Variants in CAMKK1 observed in about 807,000 individuals in gnomAD.
CAMKK1 encodes calcium/calmodulin dependent protein kinase kinase 1, also known as calcium/calmodulin-dependent protein kinase kinase 1.
In CAMKK1, 20 loss-of-function variants were observed where a neutral mutation model predicts 63.5. That is an observed-to-expected ratio of 0.32 (90% CI 0.22 to 0.46). The LOEUF (loss-of-function observed/expected upper bound fraction) is 0.46, where lower values mean the gene tolerates loss of function less well. CAMKK1 is among the 20% of genes least tolerant of loss of function. The pLI is 1.00. For synonymous variants in CAMKK1, 253 were observed against 269.0 expected (o/e 0.94, Z 0.58); for missense variants, 588 against 658.1 (o/e 0.89, Z 1.17).
At chr17:3,870,471 T>A (rs1028192089) in intron 12 of CAMKK1, among the ~76,000 whole-genome samples, 6 of 151,900 alleles carry the variant, frequency 3.9e-5, no homozygotes, top group Non-Finnish European at 8.8e-5. Flanking sequence ...GTTCATGCCA[T>A]TCTCCTGCCT....
intron 15 of CAMKK1, among the ~76,000 whole-genome samples, chr17:3,864,538 A>G (rs760193225): frequency 3.5e-4 from 53 of 151,822 alleles, no homozygotes; most frequent in Non-Finnish European, 2.2e-4. Flanking sequence ...GAGCCACCGC[A>G]CCCGGCCGTG....
chr17:3,874,286 G>A (rs1253277145), intron 10 of CAMKK1, among the ~76,000 whole-genome samples: 1 of 152,212 alleles, frequency 6.6e-6, no homozygotes, highest in African/African-American at 2.4e-5. Context: ...AGTGGTCCTC[G>A]ATTGGATTCC....
chr17:3,877,863 G>T (rs1409225687), intron 9 of CAMKK1, among the ~76,000 whole-genome samples: 2 of 152,172 alleles, frequency 1.3e-5, no homozygotes, highest in South Asian at 2.1e-4. Context: ...CATCTTGGTA[G>T]ATAACTAGGC....
chr17:3,888,516 G>A (rs1170361112), intron 1 of CAMKK1, among the ~76,000 whole-genome samples: 1 of 152,222 alleles, frequency 6.6e-6, no homozygotes, highest in Admixed American at 6.5e-5. Context: ...GCAAGATGGG[G>A]TTCTAGCGGG....
chr17:3,871,347 G>GTTTTTTTTTT (rs869219931), intron 12 of CAMKK1, among the ~76,000 whole-genome samples: 51 of 104,334 alleles, frequency 4.9e-4, no homozygotes, highest in African/African-American at 1.0e-3. Context: ...TTTTTTTTTT[G>GTTTTTTTTTT]TTTTTTTTTT....
chr17:3,868,469 C>T (rs552559949), intron 14 of CAMKK1, among the ~76,000 whole-genome samples: 48 of 150,206 alleles, frequency 3.2e-4, no homozygotes, highest in African/African-American at 7.8e-4. Flanking sequence ...ACGCAGGCGC[C>T]GCCTAACTGA....
chr17:3,868,028 CGCCGT>C (rs1567612841), intron 14 of CAMKK1, among the ~76,000 whole-genome samples: 1 of 121,968 alleles, frequency 8.2e-6, no homozygotes, highest in African/African-American at 3.9e-5. Context: ...GAGAAGCAGG[CGCCGT>C]CTAACTGATA....
Position 3,861,864 on chromosome 17 carries a change from T to G in CAMKK1, c.*347A>C, listed in dbSNP as rs2054341352. 3.0e-6 allele frequency: 1 copy of G among 327,996 alleles called. No homozygotes were observed. Among genetic ancestry groups the G allele is most frequent in the South Asian group, 4.0e-5 (1 of 25,246 alleles). 20.3% of individuals were successfully genotyped at this position (327,996 alleles called of 1,614,324 possible). A position where few individuals can be genotyped will look rare whatever the true frequency, so the allele number is the denominator to read the frequency against. On this transcript the variant is annotated 3_prime_UTR_variant, in exon 16 of 16. Transcript: ENST00000348335. ...GTAAGCCTGGCCTCCACCTGCCATC[T>G]TGGTCTCCTGCCTCTGCCTCCTGCC... is the stretch of plus-strand genomic sequence containing the variant.
chr17:3,882,581 G>A lies in CAMKK1; in HGVS notation c.649-17C>T, dbSNP rs750995269. The A allele has an allele frequency of 6.3e-7, 1 of 1,589,190 alleles. No individual in the cohort carries two copies. Among genetic ancestry groups the A allele is most frequent in the Non-Finnish European group, 8.6e-7 (1 of 1,167,612 alleles). On this transcript the variant is annotated splice_polypyrimidine_tract_variant and intron_variant, in intron 6 of 15. Transcript: ENST00000348335. The surrounding 1 kb of genome is among the most constrained non-coding windows in gnomAD (Gnocchi z 4.3). ...ATCCAGGACCTGGTCAGAGGGAGCA[G>A]ACATGGGGGTGGGGCTTGAGGAGGC...
chr17:3,880,255 C>T (rs1016054041), intron 9 of CAMKK1, 91 bp downstream of exon 9: 32 of 1,085,446 alleles, frequency 2.9e-5, no homozygotes, highest in Non-Finnish European at 3.6e-5. Flanking sequence ...CTCTGACTGA[C>T]GGGAGCTGCT....
At chr17:3,891,647 G>T (rs777754113) in intron 1 of CAMKK1, among the ~76,000 whole-genome samples, 1 of 152,204 alleles carries the variant, frequency 6.6e-6, no homozygotes, top group Non-Finnish European at 1.5e-5. Flanking sequence ...GTTACATCTG[G>T]AGAGAAAGCC....
Position 3,878,808 on chromosome 17 carries a change from G to A in CAMKK1, c.796+1538C>T, listed in dbSNP as rs1017067520. On this transcript the variant is annotated intron_variant, in intron 9 of 15. Coordinates refer to ENST00000348335, the MANE Select transcript of CAMKK1 (RefSeq NM_032294.3). ...TGTATGTATGTATATATGTATGTAT[G>A]CATTTATTTATTTATTTATTTTGAG... The A allele has an allele frequency of 2.8e-5, 3 of 107,004 alleles. No homozygotes were observed. The South Asian group carries it at 1.3e-3, about 45-fold the overall frequency. The allele number at this position is 107,004 out of a possible 1,614,324, so 6.6% of individuals were successfully genotyped here. A position where few individuals can be genotyped will look rare whatever the true frequency, so the allele number is the denominator to read the frequency against.
chr17:3,891,115 G>GGA (rs1555545827), intron 1 of CAMKK1, among the ~76,000 whole-genome samples: 1 of 151,870 alleles, frequency 6.6e-6, no homozygotes, highest in Non-Finnish European at 1.5e-5. Context: ...AGGTTGGGGG[G>GGA]GGGGTCACAG....
chr17:3,888,211 G>A (rs1178672433), intron 1 of CAMKK1, among the ~76,000 whole-genome samples: 1 of 152,118 alleles, frequency 6.6e-6, no homozygotes, highest in African/African-American at 2.4e-5. Flanking sequence ...CAGGCTGCCC[G>A]GGCCCATAAA....
Position 3,861,027 on chromosome 17 carries a change from A to T in CAMKK1, c.*1184T>A, listed in dbSNP as rs541638977. On this transcript the variant is annotated 3_prime_UTR_variant, in exon 16 of 16. Coordinates refer to ENST00000348335, the MANE Select transcript of CAMKK1 (RefSeq NM_032294.3). The stretch of plus-strand genomic sequence containing the variant: ...TGCCACGTCGGCCAGCCGGACACTG[A>T]TCCCAGAGAGAAGGTGAAGGCTGCT... 6.6e-6 allele frequency: 1 copy of T among 152,426 alleles called. No individual in the cohort carries two copies. Among genetic ancestry groups the T allele is most frequent in the East Asian group, 1.9e-4 (1 of 5,192 alleles). The allele number at this position is 152,426 out of a possible 1,614,324, so 9.4% of individuals were successfully genotyped here.
intron 9 of CAMKK1, among the ~76,000 whole-genome samples, chr17:3,877,885 G>A (rs1187675106): frequency 6.6e-6 from 1 of 151,890 alleles, no homozygotes; most frequent in African/African-American, 2.4e-5. Context: ...GCTAGGCATC[G>A]ATATATGTCT....
At chr17:3,865,344 G>A (rs2054477318) in intron 15 of CAMKK1, 1 of 987,896 alleles carries the variant, frequency 1.0e-6, no homozygotes, top group South Asian at 4.7e-5. Flanking sequence ...GCCTGTCCCT[G>A]CTTACTCACT....
intron 15 of CAMKK1, among the ~76,000 whole-genome samples, chr17:3,864,514 G>A (rs1044383139): frequency 6.6e-6 from 1 of 152,192 alleles, no homozygotes; most frequent in Non-Finnish European, 1.5e-5. Context: ...CCAAAGTGCT[G>A]GGATTACAGG....
intron 1 of CAMKK1, among the ~76,000 whole-genome samples, chr17:3,891,279 CG>C: frequency 6.6e-6 from 1 of 152,086 alleles, no homozygotes; most frequent in Non-Finnish European, 1.5e-5. Flanking sequence ...TTTAATTTCT[CG>C]TGGGGGCAAG....
Sources: gnomAD v4.1 joint callset for allele counts (sites outside exome capture counted in the v4.1 genomes callset) on GRCh38, gnomAD v4.1.1 for gene constraint, Gnocchi (gnomAD v3.1) non-coding constraint, MANE v1.5 for transcripts, NCBI Gene and HGNC (gene_info 2026-07-23, HGNC 2026-07-21) for gene names.